The following ADAMTS2 variants were observed in gnomAD, a reference collection of about 807,000 sequenced individuals.
ADAMTS2 encodes A disintegrin and metalloproteinase with thrombospondin motifs 2.
ADAMTS2 carries 50 observed loss-of-function variants against 123.0 expected under a neutral mutation model. That is an observed-to-expected ratio of 0.41 (90% CI 0.32 to 0.51). The LOEUF (loss-of-function observed/expected upper bound fraction) is 0.51, where lower values mean the gene tolerates loss of function less well. ADAMTS2 is among the 20% of genes least tolerant of loss of function. The pLI is 0.35. For synonymous variants in ADAMTS2, 678 were observed against 695.4 expected (o/e 0.98, Z 0.39); for missense variants, 1,494 against 1,705.2 (o/e 0.88, Z 2.18).
At chr5:179,210,633 A>G (rs1280296344) in intron 3 of ADAMTS2, among the ~76,000 whole-genome samples, 2 of 152,188 alleles carry the variant, frequency 1.3e-5, no homozygotes, top group Non-Finnish European at 2.9e-5. Flanking sequence ...GGTGACAGCC[A>G]CGCCCTGCGT....
intron 3 of ADAMTS2, among the ~76,000 whole-genome samples, chr5:179,267,054 GCT>G (rs1335203760): frequency 6.6e-6 from 1 of 152,158 alleles, no homozygotes; most frequent in Non-Finnish European, 1.5e-5. Flanking sequence ...CTGCCCCACA[GCT>G]CTCTGCCTCC....
chr5:179,170,328 C>T lies in ADAMTS2; in HGVS notation c.975+10744G>A, dbSNP rs115623187. Among the ~76,000 whole-genome samples, 308 of 152,184 alleles carry T rather than the reference C, an allele frequency of 2.0e-3. No homozygotes were observed. Among genetic ancestry groups the T allele is most frequent in the Non-Finnish European group, 3.4e-3 (229 of 68,024 alleles). On this transcript the variant is annotated intron_variant, in intron 5 of 21. Coordinates refer to ENST00000251582, the MANE Select transcript of ADAMTS2 (RefSeq NM_014244.5). The surrounding 1 kb of genome is among the most constrained non-coding windows in gnomAD (Gnocchi z 4.3). ...ACAATTTGGGATGAATAACAGGAAC[C>T]GAGTATCTGGGCCACTTTCTGCCCA... is the stretch of plus-strand genomic sequence containing the variant.
At chr5:179,229,631 C>T (rs1765364547) in intron 3 of ADAMTS2, among the ~76,000 whole-genome samples, 2 of 152,192 alleles carry the variant, frequency 1.3e-5, no homozygotes, top group Non-Finnish European at 2.9e-5. Flanking sequence ...CCCCCAAGGC[C>T]CAGCCCCGCA....
intron 2 of ADAMTS2, among the ~76,000 whole-genome samples, chr5:179,321,070 G>GT (rs1049640653): frequency 1.6e-4 from 24 of 151,710 alleles, no homozygotes; most frequent in African/African-American, 3.4e-4. Context: ...TAACCAATAA[G>GT]TTTTTTTTTC....
At chr5:179,191,422 C>A (rs1764304875) in intron 4 of ADAMTS2, among the ~76,000 whole-genome samples, 1 of 152,176 alleles carries the variant, frequency 6.6e-6, no homozygotes, top group African/African-American at 2.4e-5. Flanking sequence ...CCCGGCCCAT[C>A]CCGTGACTGA....
intron 2 of ADAMTS2, among the ~76,000 whole-genome samples, chr5:179,301,863 G>A (rs996902548): frequency 1.3e-5 from 2 of 152,244 alleles, no homozygotes; most frequent in African/African-American, 4.8e-5. Context: ...AGAGCCGGTG[G>A]CAGCAGGGCG....
intron 10 of ADAMTS2, among the ~76,000 whole-genome samples, chr5:179,142,445 C>T (rs905710764): frequency 6.6e-6 from 1 of 152,126 alleles, no homozygotes; most frequent in Non-Finnish European, 1.5e-5. Flanking sequence ...CTGGCAACAC[C>T]CTGCCCCTGT....
intron 10 of ADAMTS2, among the ~76,000 whole-genome samples, chr5:179,143,241 C>T (rs1186654257): frequency 6.6e-6 from 1 of 152,078 alleles, no homozygotes; most frequent in African/African-American, 2.4e-5. Flanking sequence ...CTGGACCAGC[C>T]TGGCCAACAT....
intron 18 of ADAMTS2, among the ~76,000 whole-genome samples, chr5:179,125,496 T>A (rs1379270860): frequency 6.6e-6 from 1 of 152,166 alleles, no homozygotes; most frequent in African/African-American, 2.4e-5. Flanking sequence ...CCTTAGGGTC[T>A]GGGCCCTGCT....
At chr5:179,144,128 A>G (rs1290075674) in intron 10 of ADAMTS2, among the ~76,000 whole-genome samples, 1 of 152,230 alleles carries the variant, frequency 6.6e-6, no homozygotes, top group Non-Finnish European at 1.5e-5. Context: ...CTGCATTTCT[A>G]TAAACTAGTA....
rs890642380 is a variant in ADAMTS2 at position 179,332,992 on chromosome 5, G to C, written c.534+10775C>G. On this transcript the variant is annotated intron_variant, in intron 2 of 21. Transcript: ENST00000251582. The surrounding 1 kb of genome is among the most constrained non-coding windows in gnomAD (Gnocchi z 4.2). ...GAGCCCTCACCCCCTTATCCTGCCC[G>C]CTTGCCTGTGAGGACCCCTCCCTAC... 1.3e-5 allele frequency among the ~76,000 whole-genome samples: 2 copies of C among 152,164 alleles called. No individual in the cohort carries two copies. The highest frequency in any genetic ancestry group is 4.8e-5 in the African/African-American group (2 of 41,442).
intron 2 of ADAMTS2, among the ~76,000 whole-genome samples, chr5:179,295,419 G>C (rs780677014): frequency 1.3e-5 from 2 of 152,158 alleles, no homozygotes; most frequent in Non-Finnish European, 1.5e-5. Flanking sequence ...CAGCCTCCCC[G>C]CCCTGCAAGC....
intron 5 of ADAMTS2, among the ~76,000 whole-genome samples, chr5:179,167,566 G>A (rs1763728673): frequency 6.6e-6 from 1 of 152,076 alleles, no homozygotes; most frequent in African/African-American, 2.4e-5. Context: ...CCTGGAGGCC[G>A]CCTCCGCTGG....
At chr5:179,135,457 C>G (rs562208129) in intron 13 of ADAMTS2, among the ~76,000 whole-genome samples, 2 of 152,186 alleles carry the variant, frequency 1.3e-5, no homozygotes, top group East Asian at 1.9e-4. Context: ...TAAAAGAAAA[C>G]AGAGGAGGGC....
At chr5:179,276,121 G>A (rs1382667197) in intron 2 of ADAMTS2, among the ~76,000 whole-genome samples, 1 of 152,154 alleles carries the variant, frequency 6.6e-6, no homozygotes, top group Non-Finnish European at 1.5e-5. Flanking sequence ...GCTCAACCAG[G>A]CCTGGCGAAG....
At chr5:179,215,562 T>C (rs2113392856) in intron 3 of ADAMTS2, among the ~76,000 whole-genome samples, 1 of 152,094 alleles carries the variant, frequency 6.6e-6, no homozygotes, top group Admixed American at 6.5e-5. Flanking sequence ...CTTTCTAGAA[T>C]CCCATTAAAA....
intron 3 of ADAMTS2, among the ~76,000 whole-genome samples, chr5:179,226,851 G>A (rs1215122193): frequency 6.6e-6 from 1 of 152,208 alleles, no homozygotes; most frequent in Non-Finnish European, 1.5e-5. Flanking sequence ...AAGAAACGGT[G>A]AAAAGAAGTA....
chr5:179,210,113 G>A (rs1257268411), intron 3 of ADAMTS2, among the ~76,000 whole-genome samples: 1 of 152,216 alleles, frequency 6.6e-6, no homozygotes, highest in African/African-American at 2.4e-5. Flanking sequence ...GGCCACCCCA[G>A]GGGTAGCCCG....
intron 3 of ADAMTS2, among the ~76,000 whole-genome samples, chr5:179,224,160 G>C (rs1435147862): frequency 6.6e-6 from 1 of 152,208 alleles, no homozygotes; most frequent in African/African-American, 2.4e-5. Flanking sequence ...GGGAGAGCAT[G>C]AGGGCGGCGT....
Sources: gnomAD v4.1 joint callset for allele counts (sites outside exome capture counted in the v4.1 genomes callset) on GRCh38, gnomAD v4.1.1 for gene constraint, Gnocchi (gnomAD v3.1) non-coding constraint, MANE v1.5 for transcripts, NCBI Gene and HGNC (gene_info 2026-07-23, HGNC 2026-07-21) for gene names.